Variants in WDR76 observed in about 807,000 individuals in gnomAD.
The protein encoded by WDR76 is WD repeat domain 76, also known as WD repeat-containing protein 76.
In WDR76, 52 loss-of-function variants were observed where a neutral mutation model predicts 70.2. The ratio of observed to expected loss-of-function variants is 0.74; its 90% CI spans 0.59 to 0.93. WDR76 has a LOEUF of 0.93. Among genes scored for constraint, WDR76 ranks in the 40% least tolerant of loss-of-function variants. The pLI, the probability that WDR76 is intolerant of heterozygous loss-of-function variation, is 0.00. For missense variants in WDR76, 756 were observed against 760.2 expected, an observed-to-expected ratio of 0.99 and a Z score of 0.07; for synonymous variants, 292 against 271.1, an observed-to-expected ratio of 1.08 and a Z score of -0.76.
At position 43,828,164 on chromosome 15, in the gene WDR76, A is replaced by T. The variant is rs1324957167; in HGVS notation, c.260A>T (p.Lys87Met). Residue 87 changes from lysine (K) to methionine (M), a missense_variant, in exon 2 of 13, where the codon AAG (lysine) becomes ATG (methionine). Coordinates refer to ENST00000263795, the MANE Select transcript of WDR76 (RefSeq NM_024908.4). The part of the protein sequence containing the change: ...NEVACKKTKI[K>M]KTCRRIIPPK... ...GTGGCGTGTAAGAAGACTAAAATAA[A>T]GAAAACTTGCAGAAGGATTATACCT... is the stretch of plus-strand genomic sequence containing the variant. The T allele has an allele frequency of 1.2e-6, 2 of 1,614,120 alleles. No individual in the cohort carries two copies. Among genetic ancestry groups the T allele is most frequent in the East Asian group, 2.2e-5 (1 of 44,878 alleles).
At chr15:43,832,847 G>C (rs938920271) in intron 2 of WDR76, among the ~76,000 whole-genome samples, 24 of 130,078 alleles carry the variant, frequency 1.8e-4, no homozygotes, top group East Asian at 1.0e-3. Context: ...CTGCCTCCCA[G>C]GTTCAAGCAA....
In WDR76 at chr15:43,830,496, A is replaced by C. The variant is rs562538538; in HGVS notation, c.462+2130A>C. ...AGAATCTCTTGAACCTGGAAGGTGG[A>C]GGTTGCGGTGAGCCGAGATCGTGCT... On this transcript the variant is annotated intron_variant, in intron 2 of 12. Transcript: ENST00000263795. 2.8e-5 allele frequency among the ~76,000 whole-genome samples: 4 copies of C among 141,266 alleles called. No homozygotes were observed. In the South Asian group the frequency reaches 7.5e-4, roughly 26 times the overall value. 92.7% of individuals were successfully genotyped at this position (141,266 alleles called of 152,430 possible).
Position 43,844,074 on chromosome 15 carries a change from G to C in WDR76, c.1032+20G>C, listed in dbSNP as rs540721320. ...GATTTGGTAAGTTATTAAATTTCTT[G>C]AATATATTATAGTTTGACTAAAGCA... On this transcript the variant is annotated intron_variant, in intron 8 of 12. Transcript: ENST00000263795. The C allele has an allele frequency of 6.2e-7, 1 of 1,610,808 alleles. No individual in the cohort carries two copies. Among genetic ancestry groups the C allele is most frequent in the East Asian group, 2.2e-5 (1 of 44,830 alleles).
intron 2 of WDR76, among the ~76,000 whole-genome samples, chr15:43,829,850 C>T (rs983605656): frequency 6.6e-6 from 1 of 151,896 alleles, no homozygotes; most frequent in African/African-American, 2.4e-5. Context: ...AAGCAAATGA[C>T]CTTAGGGGAT....
chr15:43,846,899 G>A lies in WDR76; in HGVS notation c.1032+2845G>A, dbSNP rs868064441. Among the ~76,000 whole-genome samples the A allele has an allele frequency of 1.5e-4, 23 of 151,824 alleles. No individual in the cohort carries two copies. In the Middle Eastern group the frequency reaches 0.01, roughly 68 times the overall value. On this transcript the variant is annotated intron_variant, in intron 8 of 12. Transcript: ENST00000263795. ...TAGCCGGGCATGGTGGCACATGCCT[G>A]TAATCCCAGCTACTTGGGAGGCTGA...
chr15:43,860,009 G>C (rs895547316), intron 11 of WDR76, among the ~76,000 whole-genome samples: 4 of 152,182 alleles, frequency 2.6e-5, no homozygotes, highest in Admixed American at 2.0e-4. Flanking sequence ...CCAGCATTTC[G>C]GGAGGCTGAG....
chr15:43,838,609 A>G lies in WDR76; in HGVS notation c.609-996A>G, dbSNP rs578080710. On this transcript the variant is annotated intron_variant, in intron 4 of 12. Transcript: ENST00000263795. Reference sequence around the variant, plus strand: ...ATTCTGAGATTTTCTTATTTTGCTCATCTTTACATATTTATGCTTTTAAAT... The same window carrying G: ...ATTCTGAGATTTTCTTATTTTGCTCGTCTTTACATATTTATGCTTTTAAAT... Among the ~76,000 whole-genome samples, 7 of 152,254 alleles carry G rather than the reference A, an allele frequency of 4.6e-5. No homozygotes were observed. The South Asian group carries it at 1.4e-3, about 32-fold the overall frequency.
At position 43,867,175 on chromosome 15, in the gene WDR76, C is replaced by G. The variant is rs1321608422; in HGVS notation, c.*783C>G. Reference sequence around the variant, plus strand: ...ACTGAGAACTTTTTTTGCCCCCTGCCTGTAGGTTAAGTCTTACGTGAAATG... The same window carrying G: ...ACTGAGAACTTTTTTTGCCCCCTGCGTGTAGGTTAAGTCTTACGTGAAATG... On this transcript the variant is annotated 3_prime_UTR_variant, in exon 13 of 13. Transcript: ENST00000263795. 6.6e-6 allele frequency: 1 copy of G among 152,022 alleles called. No individual in the cohort carries two copies. The highest frequency in any genetic ancestry group is 6.6e-5 in the Admixed American group (1 of 15,250). The allele number at this position is 152,022 out of a possible 1,614,324, so 9.4% of individuals were successfully genotyped here. A position where few individuals can be genotyped will look rare whatever the true frequency, so the allele number is the denominator to read the frequency against.
intron 2 of WDR76, among the ~76,000 whole-genome samples, chr15:43,830,424 T>C (rs1048548850): frequency 6.6e-6 from 1 of 151,516 alleles, no homozygotes; most frequent in African/African-American, 2.4e-5. Flanking sequence ...TAGCTGGGCG[T>C]GGTGGCACAG....
intron 3 of WDR76, 32 bp downstream of exon 3, chr15:43,835,182 C>A: frequency 6.3e-7 from 1 of 1,599,556 alleles, no homozygotes; most frequent in Non-Finnish European, 8.6e-7. Flanking sequence ...AAGCAAGATG[C>A]AGGGCCGGGA....
chr15:43,861,311 T>C, intron 11 of WDR76, 22 bp from the exon 12 acceptor site: 5 of 1,605,782 alleles, frequency 3.1e-6, no homozygotes, highest in Non-Finnish European at 4.3e-6. Flanking sequence ...CAAAAGAATG[T>C]CTTACTCTCT....
chr15:43,857,465 A>G (rs2087942534), intron 10 of WDR76: 1 of 985,296 alleles, frequency 1.0e-6, no homozygotes, highest in African/African-American at 1.7e-5. Flanking sequence ...AAAAAGTTAC[A>G]TGTGACCTAT....
At position 43,867,872 on chromosome 15, in the gene WDR76, CT is replaced by C. The variant is rs1278268644; in HGVS notation, c.*1486del. The C allele has an allele frequency of 3.9e-5, 6 of 152,114 alleles. No individual in the cohort carries two copies. The highest frequency in any genetic ancestry group is 1.4e-4 in the African/African-American group (6 of 41,424). 9.4% of individuals were successfully genotyped at this position (152,114 alleles called of 1,614,324 possible). A position where few individuals can be genotyped will look rare whatever the true frequency, so the allele number is the denominator to read the frequency against. On this transcript the variant is annotated 3_prime_UTR_variant, in exon 13 of 13. Coordinates refer to ENST00000263795, the MANE Select transcript of WDR76 (RefSeq NM_024908.4). ...ATATTACTGTGTGACATCTATCCAACTTTTTTCATTATTCTTCATTGCCAAA... is the reference window on the plus strand; with the variant it reads ...ATATTACTGTGTGACATCTATCCAACTTTTTCATTATTCTTCATTGCCAAA...
chr15:43,844,108 G>C (rs549777072), intron 8 of WDR76, 54 bp downstream of exon 8: 2 of 1,555,124 alleles, frequency 1.3e-6, no homozygotes, highest in Admixed American at 3.6e-5. Context: ...CAAATAGGCT[G>C]GAAGAGAATA....
At position 43,843,945 on chromosome 15, in the gene WDR76, T is replaced by G. The variant is rs1464651787; in HGVS notation, c.923T>G (p.Val308Gly). ...LNGMVISEDTVYKVTTGPIFS... is the reference protein window; with the variant it reads ...LNGMVISEDTGYKVTTGPIFS... ...GGCATGGTCATTAGTGAAGATACCG[T>G]TTACAAAGTTACCACAGGCCCAATA... Residue 308 changes from valine to glycine, a missense_variant, in exon 8 of 13, where the codon GTT becomes GGT. Coordinates refer to ENST00000263795, the MANE Select transcript of WDR76 (RefSeq NM_024908.4). The G allele has an allele frequency of 1.9e-6, 3 of 1,611,338 alleles. No homozygotes were observed. The highest frequency in any genetic ancestry group is 2.5e-6 in the Non-Finnish European group (3 of 1,178,672).
chr15:43,849,465 A>C (rs1471050861), intron 8 of WDR76, among the ~76,000 whole-genome samples: 1 of 152,250 alleles, frequency 6.6e-6, no homozygotes, highest in Non-Finnish European at 1.5e-5. Flanking sequence ...GCCGTTTTAA[A>C]TCACATTAAA....
intron 4 of WDR76, 102 bp downstream of exon 4, chr15:43,836,318 G>A: frequency 2.9e-6 from 3 of 1,021,002 alleles, no homozygotes; most frequent in Non-Finnish European, 4.2e-6. Flanking sequence ...AGATCATAAA[G>A]TGCTATTTAA....
At chr15:43,864,965 CGGG>C (rs2088051285) in intron 12 of WDR76, among the ~76,000 whole-genome samples, 1 of 152,186 alleles carries the variant, frequency 6.6e-6, no homozygotes. Context: ...CCCTCTGACA[CGGG>C]GGCTGGAGTG....
rs562843114 is a variant in WDR76 at position 43,832,386 on chromosome 15, T to TA, written c.463-2664dup. On this transcript the variant is annotated intron_variant, in intron 2 of 12. Transcript: ENST00000263795. ...GTGACAGAGTGAGACGCTATCACTT[T>TA]AAAAAAAAAAATTGTGATAACATGC... 3.6e-3 allele frequency among the ~76,000 whole-genome samples: 539 copies of TA among 147,750 alleles called. 2 individuals carry two copies. Among genetic ancestry groups the TA allele is most frequent in the African/African-American group, 0.01 (409 of 40,568 alleles).
Sources: allele counts gnomAD v4.1 joint callset (sites outside exome capture counted in the v4.1 genomes callset), GRCh38; gene constraint gnomAD v4.1.1; transcripts MANE v1.5; gene names NCBI Gene and HGNC (gene_info 2026-07-23, HGNC 2026-07-21).